Variants in IL3RA observed in about 807,000 individuals in gnomAD.
IL3RA encodes interleukin-3 receptor subunit alpha.
A neutral mutation model predicts 52.3 loss-of-function variants in IL3RA; 73 were observed. That is an observed-to-expected ratio of 1.40 (90% confidence interval 1.16 to 1.70). IL3RA has a LOEUF of 1.70. IL3RA is among the 40% of genes most tolerant of loss of function. The pLI, the probability that IL3RA is intolerant of heterozygous loss-of-function variation, is 0.00. For synonymous variants in IL3RA, 260 were observed against 194.0 expected, an observed-to-expected ratio of 1.34 and a Z score of -2.83; for missense variants, 664 against 504.4, an observed-to-expected ratio of 1.32 and a Z score of -3.03.
rs2087840218 is a variant in IL3RA, at chrX:1,365,258, T to TGAGCGGGGTGCGCGGGGTGAGC, written c.874+7_874+8insAGCGGGGTGCGCGGGGTGAGCG. ...GAGCACCCCCCAGCGCTTCGGTGAG[T>TGAGCGGGGTGCGCGGGGTGAGC]GGGCTGTGCGGGGTGCGCGGGGTGA... On this transcript the variant is annotated splice_region_variant and intron_variant, in intron 9 of 11. Transcript: ENST00000331035. The TGAGCGGGGTGCGCGGGGTGAGC allele has an allele frequency of 6.6e-7, 1 of 1,513,036 alleles. No individual in the cohort carries two copies. Among genetic ancestry groups the TGAGCGGGGTGCGCGGGGTGAGC allele is most frequent in the African/African-American group, 1.4e-5 (1 of 69,756 alleles). 93.7% of individuals were successfully genotyped at this position (1,513,036 alleles called of 1,614,324 possible).
intron 9 of IL3RA, 30 bp from the exon 10 acceptor site, chrX:1,378,629 G>A (rs747124142): frequency 6.3e-7 from 1 of 1,595,448 alleles, no homozygotes; most frequent in Non-Finnish European, 8.6e-7. Flanking sequence ...ACGGCCCCCG[G>A]TCTGTGACCC....
intron 8 of IL3RA, 58 bp downstream of exon 8, chrX:1,358,945 ATTAT>A: frequency 7.9e-7 from 1 of 1,266,954 alleles, no homozygotes; most frequent in Non-Finnish European, 1.1e-6. Context: ...GAGTTTTATT[ATTAT>A]TAAGAATAAA....
chrX:1,378,600 A>G, intron 9 of IL3RA, 59 bp from the exon 10 acceptor site: 1 of 1,441,394 alleles, frequency 6.9e-7, no homozygotes, highest in Non-Finnish European at 9.6e-7. Context: ...GAGAGCTTAC[A>G]GTCCCTGGTC....
At chrX:1,359,487 C>T (rs1275969197) in intron 8 of IL3RA, among the ~76,000 whole-genome samples, 3 of 151,420 alleles carry the variant, frequency 2.0e-5, no homozygotes, top group Non-Finnish European at 4.4e-5. Flanking sequence ...CTTTCTCTCT[C>T]TCTCGTCTCT....
At chrX:1,378,365 T>G (rs1190894097) in intron 9 of IL3RA, among the ~76,000 whole-genome samples, 2 of 152,090 alleles carry the variant, frequency 1.3e-5, no homozygotes, top group Non-Finnish European at 2.9e-5. Context: ...GCGCTCCCCG[T>G]GTCCCGAGCA....
At chrX:1,380,920 C>T (rs17884601) in intron 10 of IL3RA, 103 bp from the exon 11 acceptor site, 4 of 980,806 alleles carry the variant, frequency 4.1e-6, no homozygotes, top group Non-Finnish European at 6.5e-6. Context: ...TGACTTGAGT[C>T]TTTTGCTCTG....
intron 9 of IL3RA, among the ~76,000 whole-genome samples, chrX:1,377,951 C>T (rs191181635): frequency 0.021 from 3,093 of 150,364 alleles, 42 homozygotes; most frequent in Middle Eastern, 0.049. Context: ...TTTGGGAGGC[C>T]GAGGCGGGTG....
chrX:1,377,081 A>C (rs2088806802), intron 9 of IL3RA, among the ~76,000 whole-genome samples: 1 of 135,652 alleles, frequency 7.4e-6, no homozygotes, highest in African/African-American at 2.9e-5. Flanking sequence ...ACAGACACAC[A>C]CCAAGGGACA....
chrX:1,356,319 G>A lies in IL3RA; in HGVS notation c.715G>A (p.Glu239Lys), dbSNP rs1365847932. The A allele has an allele frequency of 4.3e-6, 7 of 1,611,114 alleles. No individual in the cohort carries two copies. The highest frequency in any genetic ancestry group is 5.9e-6 in the Non-Finnish European group (7 of 1,177,654). ...TCATTTCAATCGCAAATTTCGCTATGAGCTTCAGATACAAAAGGTAAACTT... is the reference window on the plus strand; with the variant it reads ...TCATTTCAATCGCAAATTTCGCTATAAGCTTCAGATACAAAAGGTAAACTT... ...RSHFNRKFRY[E>K]LQIQKRMQPV... The change falls in exon 7 of 12, where the codon GAG (glutamate) becomes AAG (lysine). Residue 239 changes from glutamate to lysine, a missense_variant. By Grantham distance (56) the Glu-to-Lys change is moderately conservative. Transcript: ENST00000331035.
At chrX:1,352,276 G>C (rs755208129) in intron 5 of IL3RA, 44 bp downstream of exon 5, 12 of 1,613,158 alleles carry the variant, frequency 7.4e-6, no homozygotes, top group African/African-American at 1.3e-5. Flanking sequence ...CCTGGTGCGG[G>C]TGCCATCGGC....
chrX:1,341,341 A>G (rs1360602884), intron 1 of IL3RA, among the ~76,000 whole-genome samples: 2 of 151,902 alleles, frequency 1.3e-5, no homozygotes, highest in African/African-American at 4.8e-5. Context: ...TTATGTGTGC[A>G]CACAGATACA....
chrX:1,344,674 G>A (rs763548783), intron 2 of IL3RA, among the ~76,000 whole-genome samples: 22 of 151,794 alleles, frequency 1.4e-4, no homozygotes, highest in African/African-American at 5.3e-4. Flanking sequence ...TCGGGAGGCT[G>A]AGGCAGGAGA....
rs1261581669 is a variant in IL3RA at position 1,367,043 on chromosome X, CCGGGTGCGCGGGGTGA to C, written c.874+1792_874+1807del. On this transcript the variant is annotated intron_variant, in intron 9 of 11. Coordinates refer to ENST00000331035, the MANE Select transcript of IL3RA (RefSeq NM_002183.4). ...GGGTGCGCGGGGTGCGCGGGGTGAG[CCGGGTGCGCGGGGTGA>C]GCGGGGTGAGCCGGGTGCGCGGGGT... Among the ~76,000 whole-genome samples, 8 of 16,752 alleles carry C rather than the reference CCGGGTGCGCGGGGTGA, an allele frequency of 4.8e-4. 1 individual carries two copies. Among genetic ancestry groups the C allele is most frequent in the East Asian group, 1.4e-3 (1 of 736 alleles). The allele number at this position is 16,752 out of a possible 152,430, so 11.0% of individuals were successfully genotyped here.
intron 1 of IL3RA, among the ~76,000 whole-genome samples, chrX:1,340,757 G>A (rs1182270370): frequency 3.9e-5 from 6 of 152,100 alleles, no homozygotes; most frequent in Non-Finnish European, 7.4e-5. Context: ...AGGAAAAGGC[G>A]GGCGGATCAC....
At chrX:1,344,260 C>G (rs1457302458) in intron 2 of IL3RA, among the ~76,000 whole-genome samples, 1 of 151,738 alleles carries the variant, frequency 6.6e-6, no homozygotes, top group Non-Finnish European at 1.5e-5. Flanking sequence ...ATGGTGAAAC[C>G]CCATCTCTAG....
chrX:1,359,620 T>C, intron 8 of IL3RA, among the ~76,000 whole-genome samples: 1 of 138,674 alleles, frequency 7.2e-6, no homozygotes, highest in East Asian at 2.4e-4. Flanking sequence ...CCCTCTCTCA[T>C]TCTCCTTCCC....
At chrX:1,352,284 G>A (rs770354820) in intron 5 of IL3RA, 38 bp from the exon 6 acceptor site, 9 of 1,612,922 alleles carry the variant, frequency 5.6e-6, no homozygotes, top group African/African-American at 2.7e-5. Context: ...GGGTGCCATC[G>A]GCGTGGGGTC....
At chrX:1,349,026 C>G (rs1462070753) in intron 4 of IL3RA, among the ~76,000 whole-genome samples, 1 of 149,190 alleles carries the variant, frequency 6.7e-6, no homozygotes, top group African/African-American at 2.5e-5. Context: ...CTCTCCTTTC[C>G]TGACACGGTC....
chrX:1,376,760 T>C (rs1423959930), intron 9 of IL3RA, among the ~76,000 whole-genome samples: 2 of 56,466 alleles, frequency 3.5e-5, no homozygotes, highest in East Asian at 4.0e-4. Context: ...GTTTTGTTTC[T>C]AAGCCGCCCA....
Sources: gnomAD v4.1 joint callset for allele counts (sites outside exome capture counted in the v4.1 genomes callset) on GRCh38, gnomAD v4.1.1 for gene constraint, MANE v1.5 for transcripts, NCBI Gene and HGNC (gene_info 2026-07-23, HGNC 2026-07-21) for gene names.